AKAP11: variants seen among roughly 807,000 people sequenced by gnomAD.
AKAP11 encodes the protein A-kinase anchor protein 11.
AKAP11 carries 36 observed loss-of-function variants against 146.1 expected under a neutral mutation model. The ratio of observed to expected loss-of-function variants is 0.25; its 90% CI spans 0.19 to 0.33. The LOEUF (loss-of-function observed/expected upper bound fraction) is 0.33, where lower values mean the gene tolerates loss of function less well. Ranked by LOEUF, AKAP11 falls within the 10% of genes least tolerant of loss-of-function variation. The probability of loss-of-function intolerance (pLI) is 1.00; values close to 1 mark genes in which losing one functional copy is unlikely to be tolerated. For missense variants in AKAP11, 2,201 were observed against 2,197.0 expected (o/e 1.00, Z -0.04); for synonymous variants, 780 against 786.5 (o/e 0.99, Z 0.14).
rs1445309944 is a variant in AKAP11, at chr13:42,301,190, A to G, written c.2444A>G (p.Asp815Gly). 1 of 1,614,000 alleles carries G rather than the reference A, an allele frequency of 6.2e-7. No individual in the cohort carries two copies. The highest frequency in any genetic ancestry group is 8.5e-7 in the Non-Finnish European group (1 of 1,179,986). Residue 815 changes from aspartate (D) to glycine (G), a missense_variant, in exon 8 of 13, where the codon GAT becomes GGT. Asp to Gly is a moderately conservative substitution (Grantham distance 94, BLOSUM62 -1). Around this residue, in one of 3 missense-constraint regions of AKAP11, gnomAD observed 1,867 missense variants for 1,833.5 expected, o/e 1.02. Transcript: ENST00000025301. ...TCTGATGATAGTAATTCAAATGGTG[A>G]TTCTGCCCAAGTGCATATTGCCACA... ...LSSDDSNSNGDSAQVHIATKN... is the reference protein window; with the variant it reads ...LSSDDSNSNGGSAQVHIATKN...
At position 42,300,724 on chromosome 13, in the gene AKAP11, A is replaced by G; in HGVS notation, c.1978A>G (p.Met660Val). The G allele has an allele frequency of 3.1e-6, 5 of 1,614,106 alleles. No individual in the cohort carries two copies. Among genetic ancestry groups the G allele is most frequent in the East Asian group, 2.2e-5 (1 of 44,894 alleles). ...LAEELVFEGI[M>V]EVCQFSYPQT... Reference sequence around the variant, plus strand: ...TGAAGAGCTTGTTTTTGAAGGCATCATGGAGGTGTGTCAGTTTTCATATCC... The same window carrying G: ...TGAAGAGCTTGTTTTTGAAGGCATCGTGGAGGTGTGTCAGTTTTCATATCC... Residue 660 changes from methionine (M) to valine (V), a missense_variant, in exon 8 of 13, where the codon ATG becomes GTG. Transcript: ENST00000025301.
chr13:42,312,807 T>A (rs1960625811), intron 9 of AKAP11, among the ~76,000 whole-genome samples: 1 of 152,322 alleles, frequency 6.6e-6, no homozygotes, highest in Admixed American at 6.5e-5. Flanking sequence ...ATCTGTAAAA[T>A]ATAAGTTTAG....
At chr13:42,315,161 T>C (rs960527600) in intron 11 of AKAP11, among the ~76,000 whole-genome samples, 1 of 152,236 alleles carries the variant, frequency 6.6e-6, no homozygotes. Flanking sequence ...ATTTACTTTA[T>C]GACACCTGAA....
At chr13:42,279,129 A>G (rs1349177018) in intron 1 of AKAP11, among the ~76,000 whole-genome samples, 1 of 151,890 alleles carries the variant, frequency 6.6e-6, no homozygotes, top group East Asian at 1.9e-4. Context: ...CTTTATGTTT[A>G]TTCTTAGGGT....
intron 4 of AKAP11, among the ~76,000 whole-genome samples, chr13:42,294,367 C>CT (rs1187025477): frequency 1.3e-5 from 2 of 152,088 alleles, no homozygotes; most frequent in East Asian, 1.9e-4. Context: ...AAAAGTAACA[C>CT]TTTTTCAGGT....
At chr13:42,314,386 A>G (rs939805978) in intron 11 of AKAP11, among the ~76,000 whole-genome samples, 1 of 149,206 alleles carries the variant, frequency 6.7e-6, no homozygotes, top group Non-Finnish European at 1.5e-5. Flanking sequence ...CAGAGGTTGC[A>G]GTGAGCCGAG....
rs1443155756 is a variant in AKAP11 at position 42,300,257 on chromosome 13, T to A, written c.1511T>A (p.Leu504His). The A allele has an allele frequency of 6.2e-6, 10 of 1,613,906 alleles. No individual in the cohort carries two copies. The highest frequency in any genetic ancestry group is 1.7e-6 in the Non-Finnish European group (2 of 1,179,864). Residue 504 changes from leucine (L) to histidine (H), a missense_variant, in exon 8 of 13, where the codon CTT (leucine) becomes CAT (histidine). Leu to His is a moderately conservative substitution (Grantham distance 99). This residue lies in a region of AKAP11 where 1,867 missense variants were observed against 1,833.5 expected (regional missense o/e 1.02). Transcript: ENST00000025301. ...TCATGTGAAGTACTAGGCTCAGTTCTTCGTACCCACCATACTAATACCCTA... is the reference window on the plus strand; with the variant it reads ...TCATGTGAAGTACTAGGCTCAGTTCATCGTACCCACCATACTAATACCCTA... Reference protein sequence around the residue: ...SISCEVLGSVLRTHHTNTLSN... With the variant: ...SISCEVLGSVHRTHHTNTLSN...
intron 9 of AKAP11, among the ~76,000 whole-genome samples, chr13:42,311,643 G>A (rs1416625772): frequency 6.6e-6 from 1 of 152,098 alleles, no homozygotes; most frequent in African/African-American, 2.4e-5. Flanking sequence ...ATTTTATTAA[G>A]TGGAAGAATC....
At chr13:42,276,706 G>A (rs894622148) in intron 1 of AKAP11, among the ~76,000 whole-genome samples, 48 of 152,118 alleles carry the variant, frequency 3.2e-4, no homozygotes, top group African/African-American at 1.1e-3. Context: ...CTTTTTTTAT[G>A]CTGTAATATA....
At chr13:42,312,917 G>A in intron 9 of AKAP11, 130 bp from the exon 10 acceptor site, 1 of 710,826 alleles carries the variant, frequency 1.4e-6, no homozygotes, top group East Asian at 2.8e-5. Context: ...CTCCTCTCTG[G>A]ATGTTCCCCT....
At position 42,302,458 on chromosome 13, in the gene AKAP11, CAAA is replaced by C. The variant is rs777350445; in HGVS notation, c.3713_3715del (p.Gln1238del). 8.7e-6 allele frequency: 14 copies of C among 1,614,018 alleles called. No individual in the cohort carries two copies. The highest frequency in any genetic ancestry group is 1.6e-4 in the Middle Eastern group (1 of 6,084). ...AAACCCTTGCTTAAATGTGCAAAGT[CAAA>C]GAAGTGTGTCGCCTACTTTTTTAAA... On this transcript the variant is annotated inframe_deletion, in exon 8 of 13. Transcript: ENST00000025301.
intron 9 of AKAP11, among the ~76,000 whole-genome samples, chr13:42,310,058 T>C (rs1343399233): frequency 1.3e-5 from 2 of 152,170 alleles, no homozygotes; most frequent in African/African-American, 4.8e-5. Flanking sequence ...GAAAAAAGAA[T>C]CTCATTAACA....
chr13:42,273,470 T>A (rs779675658), intron 1 of AKAP11, among the ~76,000 whole-genome samples: 2 of 152,162 alleles, frequency 1.3e-5, no homozygotes, highest in Non-Finnish European at 2.9e-5. Context: ...ACAGTGAATG[T>A]CACTATTGTA....
Position 42,301,290 on chromosome 13 carries a change from T to C in AKAP11, c.2544T>C (p.Asn848=). The change falls in exon 8 of 13, where the codon AAT becomes AAC. Residue 848 remains asparagine, a synonymous_variant. Coordinates refer to ENST00000025301, the MANE Select transcript of AKAP11 (RefSeq NM_016248.4). ...CAGAACACAATCCAGGTAATCAGAA[T>C]GATTTTAAACCAACTAATGACGATA... ...LPSEHNPGNQ[N]DFKPTNDDIE... 1 of 1,613,770 alleles carries C rather than the reference T, an allele frequency of 6.2e-7. No homozygotes were observed. Among genetic ancestry groups the C allele is most frequent in the Non-Finnish European group, 8.5e-7 (1 of 1,179,920 alleles).
At chr13:42,286,826 C>T (rs558785213) in intron 3 of AKAP11, among the ~76,000 whole-genome samples, 2 of 152,296 alleles carry the variant, frequency 1.3e-5, no homozygotes, top group South Asian at 2.1e-4. Flanking sequence ...TCCTTCTAGT[C>T]TAAGGAGGAA....
intron 9 of AKAP11, among the ~76,000 whole-genome samples, chr13:42,309,649 C>T (rs1376230170): frequency 6.6e-6 from 1 of 152,186 alleles, no homozygotes; most frequent in Non-Finnish European, 1.5e-5. Flanking sequence ...ACCAATATTT[C>T]TTAAAATCTA....
In AKAP11 at chr13:42,299,966, C is replaced by T. The variant is rs1319188425; in HGVS notation, c.1220C>T (p.Ala407Val). ...NPQKFKFDRP[A>V]LPANVRKPTP... Reference sequence around the variant, plus strand: ...CAAAAATTCAAGTTTGATCGTCCAGCTCTCCCAGCTAATGTTAGAAAGCCA... The same window carrying T: ...CAAAAATTCAAGTTTGATCGTCCAGTTCTCCCAGCTAATGTTAGAAAGCCA... Residue 407 changes from alanine (A) to valine (V), a missense_variant, in exon 8 of 13, where the codon GCT becomes GTT. Physicochemically the swap from Ala to Val is moderately conservative, Grantham distance 64 (BLOSUM62 0). Transcript: ENST00000025301. 6.2e-7 allele frequency: 1 copy of T among 1,613,860 alleles called. No homozygotes were observed. The highest frequency in any genetic ancestry group is 1.7e-5 in the Admixed American group (1 of 59,994).
At chr13:42,271,479 G>A (rs1449801496), upstream of AKAP11, among the ~76,000 whole-genome samples, 10 of 152,236 alleles carry the variant, frequency 6.6e-5, no homozygotes, top group Admixed American at 6.5e-4. Flanking sequence ...GATGCTGGGA[G>A]AAGGGGCGGA....
rs779394203 is a variant in AKAP11, at chr13:42,298,669, A to T, written c.488A>T (p.Lys163Met). 3.7e-6 allele frequency: 6 copies of T among 1,612,118 alleles called. No individual in the cohort carries two copies. The highest frequency in any genetic ancestry group is 5.1e-6 in the Non-Finnish European group (6 of 1,179,326). The part of the protein sequence containing the change: ...RYTLDTFLHQ[K>M]HQLETTDEDD... ...ACCTTGGACACATTCTTGCATCAGA[A>T]GCACCAACTTGAGACCACTGATGAA... The change falls in exon 7 of 13, where the codon AAG becomes ATG. Residue 163 changes from lysine to methionine, a missense_variant. Lys to Met is a moderately conservative substitution (Grantham distance 95). Coordinates refer to ENST00000025301, the MANE Select transcript of AKAP11 (RefSeq NM_016248.4).
Sources: allele counts gnomAD v4.1 joint callset (sites outside exome capture counted in the v4.1 genomes callset), GRCh38; gene constraint gnomAD v4.1.1; regional missense constraint gnomAD v4.1.1; transcripts MANE v1.5; gene names NCBI Gene and HGNC (gene_info 2026-07-23, HGNC 2026-07-21).